DDAH1: variants seen among roughly 807,000 people sequenced by gnomAD.
The protein encoded by DDAH1 is dimethylarginine dimethylaminohydrolase 1.
DDAH1 carries 19 observed loss-of-function variants against 28.8 expected under a neutral mutation model. The observed-to-expected ratio is 0.66, with a 90% CI of 0.46 to 0.97. The LOEUF (loss-of-function observed/expected upper bound fraction) is 0.97. DDAH1 is among the 50% of genes least tolerant of loss of function. The pLI is 0.00. For synonymous variants in DDAH1, 153 were observed against 154.4 expected (o/e 0.99, Z 0.07); for missense variants, 326 against 375.9 (o/e 0.87, Z 1.10).
chr1:85,335,690 G>T (rs970667623), intron 4 of DDAH1, among the ~76,000 whole-genome samples: 3 of 152,030 alleles, frequency 2.0e-5, no homozygotes, highest in Non-Finnish European at 4.4e-5. Flanking sequence ...GGGCATGGTG[G>T]CTCACATCTG....
chr1:85,442,660 T>A (rs1654253236), intron 1 of DDAH1, among the ~76,000 whole-genome samples: 2 of 152,204 alleles, frequency 1.3e-5, no homozygotes, highest in Non-Finnish European at 2.9e-5. Flanking sequence ...GTAAAAGTGT[T>A]CCTATTTCTC....
intron 4 of DDAH1, among the ~76,000 whole-genome samples, chr1:85,331,423 G>GTA (rs138000758): frequency 0.04 from 5,966 of 148,528 alleles, 161 homozygotes; most frequent in Non-Finnish European, 0.06. Context: ...ATTCATATAT[G>GTA]TATATATATA....
intron 1 of DDAH1, among the ~76,000 whole-genome samples, chr1:85,408,820 T>C (rs574129592): frequency 1.3e-5 from 2 of 152,156 alleles, no homozygotes; most frequent in South Asian, 4.1e-4. Context: ...CACTGGATGC[T>C]AAAATCCAAG....
At chr1:85,573,212 A>C (rs1659508880) in intron 1 of DDAH1, among the ~76,000 whole-genome samples, 1 of 152,210 alleles carries the variant, frequency 6.6e-6, no homozygotes, top group Non-Finnish European at 1.5e-5. Context: ...AAAATTTGTC[A>C]CAAATAAATC....
intron 1 of DDAH1, among the ~76,000 whole-genome samples, chr1:85,561,056 T>C (rs1187959416): frequency 1.3e-5 from 2 of 152,134 alleles, no homozygotes; most frequent in African/African-American, 4.8e-5. Context: ...GATAATGTCA[T>C]TCCATTTCAG....
At chr1:85,498,791 G>A (rs554189736) in intron 1 of DDAH1, among the ~76,000 whole-genome samples, 67 of 152,130 alleles carry the variant, frequency 4.4e-4, no homozygotes, top group African/African-American at 1.5e-3. Context: ...AGGTAGTGGC[G>A]TATGCCTGTA....
At chr1:85,431,849 C>A (rs924359728) in intron 1 of DDAH1, among the ~76,000 whole-genome samples, 1 of 152,084 alleles carries the variant, frequency 6.6e-6, no homozygotes, top group Non-Finnish European at 1.5e-5. Context: ...TAAAGTGTCC[C>A]GCCATTTCTC....
intron 1 of DDAH1, among the ~76,000 whole-genome samples, chr1:85,518,859 T>C (rs565926472): frequency 8.1e-4 from 123 of 152,288 alleles, no homozygotes; most frequent in South Asian, 5.6e-3. Context: ...TCTTTTGACA[T>C]ATAATTGTTG....
intron 1 of DDAH1, among the ~76,000 whole-genome samples, chr1:85,375,985 G>A (rs1273647036): frequency 6.6e-6 from 1 of 152,136 alleles, no homozygotes; most frequent in African/African-American, 2.4e-5. Context: ...TGGTGCCCCT[G>A]TACTAATGGT....
At chr1:85,415,666 T>A (rs1652858847) in intron 1 of DDAH1, among the ~76,000 whole-genome samples, 1 of 152,082 alleles carries the variant, frequency 6.6e-6, no homozygotes, top group Non-Finnish European at 1.5e-5. Context: ...AATGAAACAC[T>A]ATATTATTTG....
At chr1:85,457,295 C>T (rs1654930515) in intron 1 of DDAH1, among the ~76,000 whole-genome samples, 1 of 152,138 alleles carries the variant, frequency 6.6e-6, no homozygotes, top group South Asian at 2.1e-4. Context: ...TCTCTGCCTT[C>T]CCCTGGTTAA....
At chr1:85,329,180 T>C (rs1647607074) in intron 4 of DDAH1, among the ~76,000 whole-genome samples, 1 of 152,142 alleles carries the variant, frequency 6.6e-6, no homozygotes, top group African/African-American at 2.4e-5. Context: ...TTCTCAGGGA[T>C]TGTTATCAGT....
intron 1 of DDAH1, among the ~76,000 whole-genome samples, chr1:85,382,221 T>G (rs1394389472): frequency 6.6e-6 from 1 of 152,176 alleles, no homozygotes; most frequent in African/African-American, 2.4e-5. Context: ...ACACGACTAA[T>G]AAGAAAGTAA....
At chr1:85,402,346 C>T (rs1557585825) in intron 1 of DDAH1, among the ~76,000 whole-genome samples, 1 of 151,992 alleles carries the variant, frequency 6.6e-6, no homozygotes, top group Non-Finnish European at 1.5e-5. Context: ...TTTCTTTCTT[C>T]TAGCCAGGGT....
intron 1 of DDAH1, among the ~76,000 whole-genome samples, chr1:85,423,179 T>C (rs571956515): frequency 3.1e-4 from 47 of 152,342 alleles, no homozygotes; most frequent in Admixed American, 7.8e-4. Flanking sequence ...CGTGACTTTA[T>C]AGGAAATCTG....
chr1:85,574,628 G>A (rs1253637906), intron 1 of DDAH1, among the ~76,000 whole-genome samples: 3 of 152,144 alleles, frequency 2.0e-5, no homozygotes, highest in South Asian at 2.1e-4. Flanking sequence ...ACAGTCCTGC[G>A]GGGGACGTTC....
intron 1 of DDAH1, among the ~76,000 whole-genome samples, chr1:85,572,041 A>T (rs891456207): frequency 1.3e-5 from 2 of 152,128 alleles, no homozygotes; most frequent in Non-Finnish European, 2.9e-5. Flanking sequence ...AGGCTGTGGG[A>T]GGTAGCAGCT....
At chr1:85,437,119 G>A (rs986557571) in intron 1 of DDAH1, among the ~76,000 whole-genome samples, 12 of 152,082 alleles carry the variant, frequency 7.9e-5, no homozygotes, top group Non-Finnish European at 1.2e-4. Context: ...TCCCTCTCTC[G>A]CTGCCTGCCA....
chr1:85,381,947 G>A (rs1651016971), intron 1 of DDAH1, among the ~76,000 whole-genome samples: 1 of 152,106 alleles, frequency 6.6e-6, no homozygotes, highest in East Asian at 1.9e-4. Context: ...TCCCTCTCCT[G>A]GGGGTCTACC....
Sources: allele counts gnomAD v4.1 joint callset (sites outside exome capture counted in the v4.1 genomes callset), GRCh38; gene constraint gnomAD v4.1.1; transcripts MANE v1.5; gene names NCBI Gene and HGNC (gene_info 2026-07-23, HGNC 2026-07-21).